EPHA7: variants seen among roughly 807,000 people sequenced by gnomAD.
EPHA7 encodes the protein EPH receptor A7.
Under a neutral mutation model 112.6 loss-of-function variants are expected in EPHA7, and 25 were observed. The observed-to-expected ratio is 0.22, with a 90% CI of 0.16 to 0.31. The LOEUF is 0.31. Among genes scored for constraint, EPHA7 ranks in the 10% least tolerant of loss-of-function variants. EPHA7 has a pLI of 1.00. For missense variants in EPHA7, 962 were observed against 1,212.6 expected, an observed-to-expected ratio of 0.79 and a Z score of 3.07; for synonymous variants, 437 against 406.5, an observed-to-expected ratio of 1.07 and a Z score of -0.90.
chr6:93,301,058 T>C (rs1479946124), intron 5 of EPHA7, among the ~76,000 whole-genome samples: 7 of 152,288 alleles, frequency 4.6e-5, no homozygotes, highest in African/African-American at 1.7e-4. Context: ...TATAATCTTA[T>C]GGGCCAGCTG....
chr6:93,378,912 A>C (rs556805327), intron 3 of EPHA7, among the ~76,000 whole-genome samples: 1 of 152,240 alleles, frequency 6.6e-6, no homozygotes, highest in South Asian at 2.1e-4. Context: ...TGTACTGTAC[A>C]ATCTGGTACT....
intron 3 of EPHA7, among the ~76,000 whole-genome samples, chr6:93,382,289 C>T (rs1418276829): frequency 6.6e-6 from 1 of 152,108 alleles, no homozygotes; most frequent in Non-Finnish European, 1.5e-5. Context: ...CTCAGATCAT[C>T]AGGTATTAGT....
intron 3 of EPHA7, among the ~76,000 whole-genome samples, chr6:93,408,280 T>TA (rs1447253199): frequency 6.6e-6 from 1 of 152,086 alleles, no homozygotes; most frequent in Non-Finnish European, 1.5e-5. Flanking sequence ...TAAAGTGCAA[T>TA]AATGTTCCTA....
At chr6:93,373,759 T>C (rs1776916044) in intron 3 of EPHA7, among the ~76,000 whole-genome samples, 1 of 152,002 alleles carries the variant, frequency 6.6e-6, no homozygotes, top group African/African-American at 2.4e-5. Flanking sequence ...CTTTTTTTTT[T>C]CTGGTGTATT....
In EPHA7 at chr6:93,258,331, A is replaced by T. The variant is rs188651221; in HGVS notation, c.1925-47T>A. 5.4e-3 allele frequency: 8,031 copies of T among 1,483,164 alleles called. 41 individuals are homozygous for T. The highest frequency in any genetic ancestry group is 0.012 in the Middle Eastern group (67 of 5,530). The allele number at this position is 1,483,164 out of a possible 1,614,324, so 91.9% of individuals were successfully genotyped here. A position where few individuals can be genotyped will look rare whatever the true frequency, so the allele number is the denominator to read the frequency against. On this transcript the variant is annotated intron_variant, in intron 10 of 16. Transcript: ENST00000369303. Reference sequence around the variant, plus strand: ...GCATATTTTAGTTTCTAAATATTGTAATTTTCTTTTAAGAGTAAATGCGTT... The same window carrying T: ...GCATATTTTAGTTTCTAAATATTGTTATTTTCTTTTAAGAGTAAATGCGTT...
chr6:93,243,225 C>A lies in EPHA7; in HGVS notation c.*201G>T. On this transcript the variant is annotated 3_prime_UTR_variant, in exon 17 of 17. Coordinates refer to ENST00000369303, the MANE Select transcript of EPHA7 (RefSeq NM_004440.4). Reference sequence around the variant, plus strand: ...TTGTCACTGCTATTTTCCTGGCCACCGATGGTGGATCCTAAATTCCCTTTT... The same window carrying A: ...TTGTCACTGCTATTTTCCTGGCCACAGATGGTGGATCCTAAATTCCCTTTT... The A allele has an allele frequency of 2.4e-6, 1 of 423,046 alleles. No homozygotes were observed. The allele number at this position is 423,046 out of a possible 1,614,324, so 26.2% of individuals were successfully genotyped here.
chr6:93,402,352 T>C (rs945556584), intron 3 of EPHA7, among the ~76,000 whole-genome samples: 6 of 152,026 alleles, frequency 3.9e-5, no homozygotes, highest in African/African-American at 1.4e-4. Flanking sequence ...GATTCTAATT[T>C]TAAGCATCAA....
At chr6:93,418,686 C>G (rs1208137561) in intron 1 of EPHA7, among the ~76,000 whole-genome samples, 4 of 152,306 alleles carry the variant, frequency 2.6e-5, no homozygotes, top group African/African-American at 9.6e-5. Flanking sequence ...ACCGCAGGAC[C>G]GCGCCGCCGC....
intron 5 of EPHA7, among the ~76,000 whole-genome samples, chr6:93,317,821 C>CTTA (rs1193960279): frequency 6.6e-6 from 1 of 152,152 alleles, no homozygotes; most frequent in Non-Finnish European, 1.5e-5. Flanking sequence ...TCACAGCTGG[C>CTTA]TTATGAACCC....
chr6:93,407,514 T>C (rs549946570), intron 3 of EPHA7, among the ~76,000 whole-genome samples: 5 of 152,190 alleles, frequency 3.3e-5, no homozygotes, highest in African/African-American at 9.6e-5. Context: ...TTTAATTCTT[T>C]TGTCAACATC....
intron 3 of EPHA7, among the ~76,000 whole-genome samples, chr6:93,394,445 CA>C (rs1778066109): frequency 6.6e-6 from 1 of 151,362 alleles, no homozygotes; most frequent in African/African-American, 2.4e-5. Flanking sequence ...CTTAGATTAA[CA>C]AAAATGTGGG....
chr6:93,258,535 A>G (rs1187882455), intron 10 of EPHA7, among the ~76,000 whole-genome samples: 1 of 151,084 alleles, frequency 6.6e-6, no homozygotes, highest in Non-Finnish European at 1.5e-5. Context: ...AAACTTGAAG[A>G]TACAGTTCAG....
intron 7 of EPHA7, among the ~76,000 whole-genome samples, chr6:93,269,154 T>C (rs879713977): frequency 2.0e-5 from 3 of 151,732 alleles, no homozygotes; most frequent in Non-Finnish European, 2.9e-5. Context: ...TAGAATAAGA[T>C]TGTTTCGAGG....
intron 3 of EPHA7, among the ~76,000 whole-genome samples, chr6:93,382,868 A>T (rs756566731): frequency 6.6e-6 from 1 of 152,138 alleles, no homozygotes; most frequent in Non-Finnish European, 1.5e-5. Context: ...CTACCATCAC[A>T]CACAGCCACT....
At chr6:93,393,915 G>A (rs11962188) in intron 3 of EPHA7, among the ~76,000 whole-genome samples, 2 of 151,748 alleles carry the variant, frequency 1.3e-5, no homozygotes, top group African/African-American at 2.4e-5. Context: ...ACAGCAAATT[G>A]TATCTGTACT....
chr6:93,397,756 A>C (rs935555028), intron 3 of EPHA7, among the ~76,000 whole-genome samples: 1 of 151,988 alleles, frequency 6.6e-6, no homozygotes, highest in Non-Finnish European at 1.5e-5. Context: ...TTTTCTGTGT[A>C]AATTACCCTA....
At chr6:93,389,968 A>C (rs1734681944) in intron 3 of EPHA7, among the ~76,000 whole-genome samples, 1 of 151,956 alleles carries the variant, frequency 6.6e-6, no homozygotes, top group Admixed American at 6.6e-5. Flanking sequence ...ATTGTCAGTG[A>C]ATTGGAAAAT....
intron 5 of EPHA7, among the ~76,000 whole-genome samples, chr6:93,336,345 T>C (rs1436030835): frequency 6.6e-6 from 1 of 152,164 alleles, no homozygotes; most frequent in Admixed American, 6.6e-5. Flanking sequence ...CATGTGTATC[T>C]CACTTTGAAA....
chr6:93,390,731 A>C (rs1270911180), intron 3 of EPHA7, among the ~76,000 whole-genome samples: 1 of 151,902 alleles, frequency 6.6e-6, no homozygotes, highest in Non-Finnish European at 1.5e-5. Flanking sequence ...AAATAAAACA[A>C]AATTTAATTT....
Sources: allele counts gnomAD v4.1 joint callset (sites outside exome capture counted in the v4.1 genomes callset), GRCh38; gene constraint gnomAD v4.1.1; transcripts MANE v1.5; gene names NCBI Gene and HGNC (gene_info 2026-07-23, HGNC 2026-07-21).